Variants in VAV2 observed in about 807,000 individuals in gnomAD.
VAV2 encodes vav guanine nucleotide exchange factor 2.
Under a neutral mutation model 132.5 loss-of-function variants are expected in VAV2, and 67 were observed. The observed-to-expected ratio is 0.51, with a 90% CI of 0.42 to 0.62. The LOEUF is 0.62. VAV2 is among the 20% of genes least tolerant of loss of function. The pLI is 0.00. For synonymous variants in VAV2, 492 were observed against 443.5 expected, an observed-to-expected ratio of 1.11 and a Z score of -1.37; for missense variants, 938 against 1,153.6, an observed-to-expected ratio of 0.81 and a Z score of 2.71.
chr9:133,788,385 T>G lies in VAV2; in HGVS notation c.1376A>C (p.Asp459Ala). Residue 459 changes from aspartate to alanine, a missense_variant, in exon 15 of 30, where the codon GAC becomes GCC. Transcript: ENST00000371850. The surrounding 1 kb of genome is among the most constrained non-coding windows in gnomAD (Gnocchi z 5.3). Reference protein sequence around the residue: ...IIELLFHKMTDDPMNNKDVKK... With the variant: ...IIELLFHKMTADPMNNKDVKK... ...GACGTCCTTGTTGTTCATGGGGTCG[T>G]CGGTCATCTTGTGGAACAGCAGCTC... 1 of 1,611,282 alleles carries G rather than the reference T, an allele frequency of 6.2e-7. No individual in the cohort carries two copies. Among genetic ancestry groups the G allele is most frequent in the Non-Finnish European group, 8.5e-7 (1 of 1,177,648 alleles).
chr9:133,777,349 G>A (rs757824832), intron 23 of VAV2, 40 bp downstream of exon 23: 2 of 1,608,702 alleles, frequency 1.2e-6, no homozygotes, highest in Admixed American at 1.7e-5. Context: ...TCAGCACCCA[G>A]GCCACCGTGC....
intron 22 of VAV2, 62 bp from the exon 23 acceptor site, chr9:133,777,525 C>A: frequency 6.6e-7 from 1 of 1,515,614 alleles, no homozygotes. Context: ...GAGTGTGGGG[C>A]CATTTAGACG....
chr9:133,868,020 C>G (rs10114514), intron 2 of VAV2, among the ~76,000 whole-genome samples: 12 of 152,156 alleles, frequency 7.9e-5, no homozygotes, highest in African/African-American at 2.9e-4. Context: ...AAGTGCACCT[C>G]GGACAGACAG....
intron 1 of VAV2, among the ~76,000 whole-genome samples, chr9:133,950,833 T>G (rs1841534146): frequency 6.6e-6 from 1 of 152,032 alleles, no homozygotes; most frequent in African/African-American, 2.4e-5. Flanking sequence ...TTCTTCCCCC[T>G]TCCGGAAAGC....
At chr9:133,808,464 G>C (rs1835237192) in intron 7 of VAV2, among the ~76,000 whole-genome samples, 1 of 152,244 alleles carries the variant, frequency 6.6e-6, no homozygotes, top group African/African-American at 2.4e-5. Flanking sequence ...GGTGCCTACA[G>C]GAGGCCCAGG....
At chr9:133,784,227 G>C in intron 18 of VAV2, 90 bp downstream of exon 18, 1 of 1,411,100 alleles carries the variant, frequency 7.1e-7, no homozygotes, top group Non-Finnish European at 1.0e-6. Flanking sequence ...CTCCCACAGG[G>C]AACATGGGAC....
At position 133,777,460 on chromosome 9, in the gene VAV2, G is replaced by A. The variant is rs749439328; in HGVS notation, c.1894C>T (p.Arg632Cys). 2.6e-5 allele frequency: 42 copies of A among 1,613,454 alleles called. No homozygotes were observed. The highest frequency in any genetic ancestry group is 8.8e-5 in the South Asian group (8 of 91,084). ...GDPESPWWEG[R>C]LVQTRKSGYF... ...CCTGACTTCCTGGTTTGTACCAGACGACCCTGGCAGAGGAAAGAGATGGTT... is the reference window on the plus strand; with the variant it reads ...CCTGACTTCCTGGTTTGTACCAGACAACCCTGGCAGAGGAAAGAGATGGTT... The change falls in exon 23 of 30, where the codon CGT becomes TGT. Residue 632 changes from arginine (R) to cysteine (C), a missense_variant. By Grantham distance (180) the Arg-to-Cys change is radical. Coordinates refer to ENST00000371850, the MANE Select transcript of VAV2 (RefSeq NM_001134398.2).
chr9:133,849,984 C>G (rs1423378014), intron 3 of VAV2, among the ~76,000 whole-genome samples: 2 of 152,192 alleles, frequency 1.3e-5, no homozygotes, highest in Non-Finnish European at 2.9e-5. Context: ...ACCATTCACC[C>G]CATACACCCC....
intron 3 of VAV2, among the ~76,000 whole-genome samples, chr9:133,855,453 G>A (rs1837349183): frequency 6.6e-6 from 1 of 152,256 alleles, no homozygotes; most frequent in East Asian, 1.9e-4. Context: ...GGGCCAGCCA[G>A]CAAGGCACGG....
chr9:133,860,389 C>T (rs184162602), intron 3 of VAV2, among the ~76,000 whole-genome samples: 69 of 152,230 alleles, frequency 4.5e-4, no homozygotes, highest in African/African-American at 1.4e-3. Context: ...AATCCAACAA[C>T]GGAAGTCCCC....
chr9:133,859,643 A>C (rs975612852), intron 3 of VAV2, among the ~76,000 whole-genome samples: 3 of 151,736 alleles, frequency 2.0e-5, no homozygotes, highest in South Asian at 2.1e-4. Context: ...ACAAAACAAA[A>C]CAAAAAAAAA....
rs889700546 is a variant in VAV2 at position 133,928,013 on chromosome 9, G to A, written c.321+11090C>T. 1.1e-4 allele frequency: 17 copies of A among 152,150 alleles called. No individual in the cohort carries two copies. Among genetic ancestry groups the A allele is most frequent in the African/African-American group, 4.1e-4 (17 of 41,436 alleles). The allele number at this position is 152,150 out of a possible 1,614,324, so 9.4% of individuals were successfully genotyped here. A position where few individuals can be genotyped will look rare whatever the true frequency, so the allele number is the denominator to read the frequency against. ...TCCAGGCACGCAGCTCATCAGACCT[G>A]TAGGGACTCGGCTACCAAAATTGAA... On this transcript the variant is annotated intron_variant, in intron 2 of 29. Coordinates refer to ENST00000371850, the MANE Select transcript of VAV2 (RefSeq NM_001134398.2). The surrounding 1 kb of genome is among the most constrained non-coding windows in gnomAD (Gnocchi z 5.4).
At chr9:133,838,522 G>A (rs1317873226) in intron 3 of VAV2, among the ~76,000 whole-genome samples, 2 of 80,460 alleles carry the variant, frequency 2.5e-5, no homozygotes, top group Admixed American at 1.3e-4. Context: ...TGGGTGGGTG[G>A]GTAGATGGAT....
At chr9:133,862,886 C>T (rs531538866) in intron 2 of VAV2, among the ~76,000 whole-genome samples, 21 of 152,336 alleles carry the variant, frequency 1.4e-4, no homozygotes, top group African/African-American at 4.3e-4. Context: ...GAAAATGAAC[C>T]ATAGAGACGG....
rs1290590520 is a variant in VAV2, at chr9:133,768,878, A to T, written c.2435-282T>A. 6.6e-6 allele frequency among the ~76,000 whole-genome samples: 1 copy of T among 152,182 alleles called. No homozygotes were observed. Among genetic ancestry groups the T allele is most frequent in the Admixed American group, 6.5e-5 (1 of 15,282 alleles). ...CCCAGGCTTTGACCATCATCATTCC[A>T]GTGGTCCCCCAAATCCAACCAGAAA... On this transcript the variant is annotated intron_variant, in intron 28 of 29. Coordinates refer to ENST00000371850, the MANE Select transcript of VAV2 (RefSeq NM_001134398.2). This position sits in a 1 kb window ranked among gnomAD's most constrained non-coding sequence, Gnocchi z 5.3.
At chr9:133,858,497 C>G (rs1026590032) in intron 3 of VAV2, among the ~76,000 whole-genome samples, 5 of 151,980 alleles carry the variant, frequency 3.3e-5, no homozygotes, top group Non-Finnish European at 7.4e-5. Context: ...GGGCCTTTTC[C>G]ATTTGTTGAT....
chr9:133,897,122 T>C (rs1181227954), intron 2 of VAV2, among the ~76,000 whole-genome samples: 2 of 151,904 alleles, frequency 1.3e-5, no homozygotes, highest in Admixed American at 6.6e-5. Flanking sequence ...AAACAGATGT[T>C]GGGCTTGTGA....
At chr9:133,951,378 A>G (rs915175326) in intron 1 of VAV2, among the ~76,000 whole-genome samples, 8 of 152,270 alleles carry the variant, frequency 5.3e-5, no homozygotes, top group African/African-American at 1.7e-4. Context: ...TTCAGCCTGA[A>G]AAGTGTCCCT....
At chr9:133,830,329 C>T (rs1836215778) in intron 4 of VAV2, among the ~76,000 whole-genome samples, 2 of 152,152 alleles carry the variant, frequency 1.3e-5, no homozygotes, top group Admixed American at 1.3e-4. Context: ...GTGTCCCCAC[C>T]CAAATCTCAT....
Sources: allele counts gnomAD v4.1 joint callset (sites outside exome capture counted in the v4.1 genomes callset), GRCh38; gene constraint gnomAD v4.1.1; non-coding constraint Gnocchi (gnomAD v3.1); transcripts MANE v1.5; gene names NCBI Gene and HGNC (gene_info 2026-07-23, HGNC 2026-07-21).